VTI1A: variants seen among roughly 807,000 people sequenced by gnomAD.
VTI1A encodes the protein vesicle transport through interaction with t-SNAREs 1A, also known as vesicle transport through interaction with t-SNAREs homolog 1A.
VTI1A carries 22 observed loss-of-function variants against 34.9 expected under a neutral mutation model. The ratio of observed to expected loss-of-function variants is 0.63; its 90% confidence interval spans 0.45 to 0.90. VTI1A has a LOEUF of 0.90. Ranked by LOEUF, VTI1A falls within the 40% of genes least tolerant of loss-of-function variation. The pLI, the probability that VTI1A is intolerant of heterozygous loss-of-function variation, is 0.00. For missense variants in VTI1A, 268 were observed against 275.6 expected (o/e 0.97, Z 0.20); for synonymous variants, 87 against 97.3 (o/e 0.89, Z 0.62).
At chr10:112,540,594 G>A (rs1448149132) in intron 5 of VTI1A, among the ~76,000 whole-genome samples, 4 of 152,174 alleles carry the variant, frequency 2.6e-5, no homozygotes, top group African/African-American at 4.8e-5. Context: ...TGAGAAGGCA[G>A]GGACAAAGCA....
intron 3 of VTI1A, among the ~76,000 whole-genome samples, chr10:112,512,415 G>C (rs971751772): frequency 6.6e-6 from 1 of 151,950 alleles, no homozygotes; most frequent in African/African-American, 2.4e-5. Flanking sequence ...TTTTCCTGTA[G>C]AATTGTTTGA....
At chr10:112,505,028 G>T (rs1849379561) in intron 3 of VTI1A, among the ~76,000 whole-genome samples, 1 of 151,984 alleles carries the variant, frequency 6.6e-6, no homozygotes, top group South Asian at 2.1e-4. Flanking sequence ...CCTTATCAAA[G>T]ATGAAATCTG....
At chr10:112,562,540 A>G (rs747317673) in intron 5 of VTI1A, among the ~76,000 whole-genome samples, 14 of 151,276 alleles carry the variant, frequency 9.3e-5, no homozygotes, top group African/African-American at 2.2e-4. Flanking sequence ...GTGTGTGTGT[A>G]TATACACACA....
intron 7 of VTI1A, chr10:112,736,727 T>G (rs904862592): frequency 1.8e-5 from 28 of 1,551,568 alleles, no homozygotes; most frequent in Non-Finnish European, 2.4e-5. Flanking sequence ...TCACAGGGGT[T>G]GTTCTGTGAA....
intron 7 of VTI1A, among the ~76,000 whole-genome samples, chr10:112,732,724 GCACTGAGC>G (rs2133960943): frequency 6.6e-6 from 1 of 152,236 alleles, no homozygotes; most frequent in African/African-American, 2.4e-5. Flanking sequence ...TCCTGATGAT[GCACTGAGC>G]ATCAGGAAAC....
At chr10:112,746,748 A>G (rs986043121) in intron 7 of VTI1A, among the ~76,000 whole-genome samples, 2 of 152,212 alleles carry the variant, frequency 1.3e-5, no homozygotes, top group African/African-American at 4.8e-5. Flanking sequence ...TCCTAGGGAG[A>G]AAGAAAACTC....
intron 7 of VTI1A, among the ~76,000 whole-genome samples, chr10:112,798,940 C>T (rs1234225465): frequency 6.6e-6 from 1 of 152,186 alleles, no homozygotes; most frequent in African/African-American, 2.4e-5. Flanking sequence ...GTGCTGCAGA[C>T]CATGCCAAGG....
intron 5 of VTI1A, among the ~76,000 whole-genome samples, chr10:112,623,250 G>T (rs2134579483): frequency 6.6e-6 from 1 of 152,202 alleles, no homozygotes; most frequent in East Asian, 1.9e-4. Context: ...AACAGAAATA[G>T]GTTTCTGGGA....
chr10:112,649,475 G>A (rs1336689506), intron 5 of VTI1A, among the ~76,000 whole-genome samples: 2 of 152,174 alleles, frequency 1.3e-5, no homozygotes, highest in African/African-American at 4.8e-5. Context: ...TGGACACAGT[G>A]TGGAGGAATC....
chr10:112,568,485 C>A, intron 5 of VTI1A, among the ~76,000 whole-genome samples: 1 of 149,792 alleles, frequency 6.7e-6, no homozygotes, highest in Non-Finnish European at 1.5e-5. Flanking sequence ...ACAGCCTGGG[C>A]AAAAAAGTGA....
intron 7 of VTI1A, among the ~76,000 whole-genome samples, chr10:112,714,886 C>G (rs866612788): frequency 3.3e-5 from 5 of 152,188 alleles, no homozygotes; most frequent in Non-Finnish European, 5.9e-5. Context: ...ATGAGCCAAC[C>G]TTTTCAATCT....
At chr10:112,702,546 AG>A (rs1219482102) in intron 7 of VTI1A, among the ~76,000 whole-genome samples, 4 of 151,434 alleles carry the variant, frequency 2.6e-5, no homozygotes, top group African/African-American at 9.7e-5. Context: ...CAGCCTCCCG[AG>A]TAGCTGGGAT....
At chr10:112,649,869 T>C (rs750823213) in intron 5 of VTI1A, among the ~76,000 whole-genome samples, 6 of 152,042 alleles carry the variant, frequency 3.9e-5, no homozygotes, top group African/African-American at 7.2e-5. Flanking sequence ...ATATAAGAGA[T>C]AAAAAATGAT....
intron 5 of VTI1A, among the ~76,000 whole-genome samples, chr10:112,641,749 A>C (rs1045983118): frequency 6.6e-6 from 1 of 152,206 alleles, no homozygotes; most frequent in Non-Finnish European, 1.5e-5. Flanking sequence ...ACTTGCAGTT[A>C]TGTTTTTTTA....
intron 7 of VTI1A, among the ~76,000 whole-genome samples, chr10:112,741,901 T>C (rs927980481): frequency 3.9e-5 from 6 of 152,210 alleles, no homozygotes; most frequent in Admixed American, 1.3e-4. Flanking sequence ...AGCCATCAAA[T>C]ACCTAGATTT....
chr10:112,714,966 G>A (rs1286124423), intron 7 of VTI1A, among the ~76,000 whole-genome samples: 4 of 152,156 alleles, frequency 2.6e-5, no homozygotes, highest in Non-Finnish European at 5.9e-5. Flanking sequence ...AAGTTATATG[G>A]ATAAAATTAA....
intron 3 of VTI1A, among the ~76,000 whole-genome samples, chr10:112,519,542 G>A (rs1409776703): frequency 6.6e-6 from 1 of 152,062 alleles, no homozygotes; most frequent in African/African-American, 2.4e-5. Flanking sequence ...AAAACCTTTA[G>A]ACTAATTAGC....
chr10:112,636,560 C>T (rs151183703), intron 5 of VTI1A, among the ~76,000 whole-genome samples: 3,254 of 151,806 alleles, frequency 0.021, 60 homozygotes, highest in Middle Eastern at 0.054. Context: ...CCCGTCTCTA[C>T]TAAAAAAAAT....
At chr10:112,815,256 C>G (rs1853482433) in intron 7 of VTI1A, 34 bp from the exon 8 acceptor site, 1 of 1,554,308 alleles carries the variant, frequency 6.4e-7, no homozygotes, top group East Asian at 2.4e-5. Flanking sequence ...TTCCACTTAT[C>G]TGTGTGTGTT....
Sources: allele counts gnomAD v4.1 joint callset (sites outside exome capture counted in the v4.1 genomes callset), GRCh38; gene constraint gnomAD v4.1.1; transcripts MANE v1.5; gene names NCBI Gene and HGNC (gene_info 2026-07-23, HGNC 2026-07-21).